Variants in XRCC4 observed in about 807,000 individuals in gnomAD.
XRCC4 encodes the protein DNA repair protein XRCC4.
Under a neutral mutation model 39.1 loss-of-function variants are expected in XRCC4, and 28 were observed. That is an observed-to-expected ratio of 0.72 (90% CI 0.53 to 0.98). The LOEUF is 0.98. Among genes scored for constraint, XRCC4 ranks in the 50% least tolerant of loss-of-function variants. XRCC4 has a pLI of 0.00. For missense variants in XRCC4, 350 were observed against 376.4 expected (o/e 0.93, Z 0.58); for synonymous variants, 123 against 126.4 (o/e 0.97, Z 0.18).
intron 3 of XRCC4, among the ~76,000 whole-genome samples, chr5:83,166,043 G>A (rs1172557291): frequency 1.3e-5 from 2 of 151,748 alleles, no homozygotes; most frequent in East Asian, 1.9e-4. Flanking sequence ...GTGCTACCAC[G>A]CCTGGCTAAT....
chr5:83,095,243 C>T (rs1377430608), intron 1 of XRCC4, among the ~76,000 whole-genome samples: 1 of 152,172 alleles, frequency 6.6e-6, no homozygotes, highest in East Asian at 1.9e-4. Context: ...GGACCACCGT[C>T]TGAGCTCTGC....
chr5:83,321,788 G>T (rs1268018362), intron 7 of XRCC4, among the ~76,000 whole-genome samples: 3 of 151,780 alleles, frequency 2.0e-5, no homozygotes, highest in Non-Finnish European at 4.4e-5. Context: ...ATTCCCTGAA[G>T]AATTTTTTAT....
chr5:83,306,744 G>A (rs986866807), intron 7 of XRCC4, among the ~76,000 whole-genome samples: 3 of 152,274 alleles, frequency 2.0e-5, no homozygotes, highest in Middle Eastern at 3.4e-3. Context: ...AAGACTGATC[G>A]GGCAACAGGA....
intron 4 of XRCC4, among the ~76,000 whole-genome samples, chr5:83,200,775 G>C (rs1225155809): frequency 6.6e-6 from 1 of 152,060 alleles, no homozygotes; most frequent in Non-Finnish European, 1.5e-5. Context: ...CTTTGCATAT[G>C]TTTGAAGTAT....
chr5:83,253,674 G>T (rs1391905017), intron 6 of XRCC4, among the ~76,000 whole-genome samples: 7 of 152,076 alleles, frequency 4.6e-5, no homozygotes, highest in South Asian at 4.2e-4. Context: ...AATAATGAAG[G>T]CCTTATAAAA....
intron 3 of XRCC4, among the ~76,000 whole-genome samples, chr5:83,170,062 T>C (rs1279932748): frequency 2.0e-5 from 3 of 152,168 alleles, no homozygotes. Flanking sequence ...AACTTGAAGA[T>C]ATACTTGGTT....
In XRCC4 at chr5:83,117,738, T is replaced by C. The variant is rs534467966; in HGVS notation, c.315+6535T>C. On this transcript the variant is annotated intron_variant, in intron 3 of 7. Transcript: ENST00000396027. ...TAAGGATATGTCTTTTTAAAAAAAT[T>C]AATTTAATTTTATTTTAAGTTCTGG... Among the ~76,000 whole-genome samples, 31 of 136,722 alleles carry C rather than the reference T, an allele frequency of 2.3e-4. No individual in the cohort carries two copies. The East Asian group carries it at 5.9e-3, about 26-fold the overall frequency. 89.7% of individuals were successfully genotyped at this position (136,722 alleles called of 152,430 possible). A position where few individuals can be genotyped will look rare whatever the true frequency, so the allele number is the denominator to read the frequency against.
At chr5:83,162,562 G>A (rs1749266297) in intron 3 of XRCC4, among the ~76,000 whole-genome samples, 1 of 152,180 alleles carries the variant, frequency 6.6e-6, no homozygotes, top group Non-Finnish European at 1.5e-5. Flanking sequence ...AAGTGTGGAA[G>A]CTTTTGATTA....
intron 3 of XRCC4, among the ~76,000 whole-genome samples, chr5:83,134,551 T>C (rs534593858): frequency 6.6e-6 from 1 of 152,048 alleles, no homozygotes; most frequent in South Asian, 2.1e-4. Context: ...ACCAATCAGC[T>C]CTCTGTAAAA....
intron 3 of XRCC4, among the ~76,000 whole-genome samples, chr5:83,189,223 C>T (rs1476320008): frequency 6.6e-6 from 1 of 152,156 alleles, no homozygotes; most frequent in Admixed American, 6.5e-5. Context: ...ATATTTATAG[C>T]CCTTCAATGT....
intron 7 of XRCC4, among the ~76,000 whole-genome samples, chr5:83,334,338 T>C (rs1487593854): frequency 6.6e-6 from 1 of 152,148 alleles, no homozygotes; most frequent in Non-Finnish European, 1.5e-5. Flanking sequence ...TTAACTATTA[T>C]CCATTAGAAT....
At chr5:83,258,848 T>C (rs1343890812) in intron 7 of XRCC4, 171 bp downstream of exon 7, 9 of 878,056 alleles carry the variant, frequency 1.0e-5, no homozygotes, top group Middle Eastern at 7.4e-4. Flanking sequence ...ATTTGGTTAA[T>C]TTCTATTAAT....
At position 83,192,256 on chromosome 5, in the gene XRCC4, A is replaced by G. The variant is rs1179499875; in HGVS notation, c.316-3514A>G. On this transcript the variant is annotated intron_variant, in intron 3 of 7. Coordinates refer to ENST00000396027, the MANE Select transcript of XRCC4 (RefSeq NM_003401.5). ...GTATGTATATGTACATATTATATAT[A>G]CGTATACATATGTATACATATATGT... is the stretch of plus-strand genomic sequence containing the variant. 3.4e-5 allele frequency among the ~76,000 whole-genome samples: 5 copies of G among 147,942 alleles called. No homozygotes were observed. In the East Asian group the frequency reaches 9.8e-4, roughly 29 times the overall value.
rs532138910 is a variant in XRCC4, at chr5:83,115,864, A to G, written c.315+4661A>G. 2.1e-4 allele frequency among the ~76,000 whole-genome samples: 32 copies of G among 152,372 alleles called. No homozygotes were observed. The South Asian group carries it at 6.2e-3, about 30-fold the overall frequency. On this transcript the variant is annotated intron_variant, in intron 3 of 7. Coordinates refer to ENST00000396027, the MANE Select transcript of XRCC4 (RefSeq NM_003401.5). The stretch of plus-strand genomic sequence containing the variant: ...TCATTTATTTATTTGTTTATGAGAA[A>G]GAAAAGAATATTCTCAGAACGGCTT...
intron 3 of XRCC4, among the ~76,000 whole-genome samples, chr5:83,149,941 T>C (rs186108780): frequency 1.3e-5 from 2 of 152,246 alleles, no homozygotes; most frequent in East Asian, 1.9e-4. Context: ...GACTCAGTGC[T>C]TGATCTAAGT....
chr5:83,344,710 T>C (rs1353872573), intron 7 of XRCC4, among the ~76,000 whole-genome samples: 1 of 152,212 alleles, frequency 6.6e-6, no homozygotes, highest in Admixed American at 6.5e-5. Context: ...ACAATGCATC[T>C]ATGATTGTGT....
At chr5:83,223,833 C>A (rs567776373) in intron 6 of XRCC4, among the ~76,000 whole-genome samples, 2 of 95,604 alleles carry the variant, frequency 2.1e-5, no homozygotes, top group Non-Finnish European at 3.8e-5. Context: ...CCTCCCCCCT[C>A]CCCCCACCCC....
At chr5:83,185,082 TA>T (rs986848728) in intron 3 of XRCC4, among the ~76,000 whole-genome samples, 5 of 150,906 alleles carry the variant, frequency 3.3e-5, no homozygotes, top group African/African-American at 9.9e-5. Flanking sequence ...GACCAAGGGA[TA>T]AAAAAAGAAT....
At chr5:83,314,960 C>T (rs2112107999) in intron 7 of XRCC4, among the ~76,000 whole-genome samples, 1 of 152,150 alleles carries the variant, frequency 6.6e-6, no homozygotes, top group East Asian at 1.9e-4. Context: ...CATTTAAATT[C>T]AAAAGCTAGA....
Sources: gnomAD v4.1 joint callset for allele counts (sites outside exome capture counted in the v4.1 genomes callset) on GRCh38, gnomAD v4.1.1 for gene constraint, MANE v1.5 for transcripts, NCBI Gene and HGNC (gene_info 2026-07-23, HGNC 2026-07-21) for gene names.